SYCP2: variants seen among roughly 807,000 people sequenced by gnomAD.
The protein encoded by SYCP2 is synaptonemal complex lateral element protein.
In SYCP2, 55 loss-of-function variants were observed where a neutral mutation model predicts 211.3. The observed-to-expected ratio is 0.26, with a 90% CI of 0.21 to 0.33. The LOEUF is 0.33. Among genes scored for constraint, SYCP2 ranks in the 10% least tolerant of loss-of-function variants. The probability of loss-of-function intolerance (pLI) is 1.00; values close to 1 mark genes in which losing one functional copy is unlikely to be tolerated. For missense variants in SYCP2, 1,731 were observed against 1,752.0 expected (o/e 0.99, Z 0.21); for synonymous variants, 570 against 555.2 (o/e 1.03, Z -0.37).
intron 3 of SYCP2, 123 bp from the exon 4 acceptor site, chr20:59,921,576 T>G (rs1017477078): frequency 3.4e-6 from 2 of 584,726 alleles, no homozygotes; most frequent in Non-Finnish European, 2.6e-6. Flanking sequence ...AAATATTAAT[T>G]CACGTATTTT....
At chr20:59,909,554 G>A (rs1209812299) in intron 14 of SYCP2, among the ~76,000 whole-genome samples, 1 of 152,110 alleles carries the variant, frequency 6.6e-6, no homozygotes, top group Non-Finnish European at 1.5e-5. Context: ...ACACAAATGT[G>A]TTCTCCAGTG....
rs780308705 is a variant in SYCP2 at position 59,873,923 on chromosome 20, T to C, written c.3488A>G (p.Lys1163Arg). ...ACACAGGAAGTTTTTCTCATTGTTT[T>C]TGGGTGACTTTATTGTACCTCCAAC... ...SGVGGTIKSP[K>R]NNEKNFLCAS... Residue 1163 changes from lysine (K) to arginine (R), a missense_variant, in exon 35 of 45, where the codon AAA becomes AGA. Physicochemically the swap from Lys to Arg is conservative, Grantham distance 26 (BLOSUM62 2). Coordinates refer to ENST00000357552, the MANE Select transcript of SYCP2 (RefSeq NM_014258.4). 1.9e-6 allele frequency: 3 copies of C among 1,613,316 alleles called. No homozygotes were observed. The highest frequency in any genetic ancestry group is 2.5e-6 in the Non-Finnish European group (3 of 1,179,636).
chr20:59,923,713 A>C (rs1293857158), intron 2 of SYCP2, among the ~76,000 whole-genome samples: 1 of 151,838 alleles, frequency 6.6e-6, no homozygotes, highest in Non-Finnish European at 1.5e-5. Context: ...AAAATAAACA[A>C]AAAGAATGCA....
intron 34 of SYCP2, 74 bp downstream of exon 34, chr20:59,875,197 T>C: frequency 4.2e-6 from 4 of 956,784 alleles, no homozygotes; most frequent in Non-Finnish European, 6.1e-6. Flanking sequence ...AGTCTTAAAA[T>C]TGTATTTTCC....
chr20:59,924,501 C>T (rs1444202169), intron 2 of SYCP2, among the ~76,000 whole-genome samples: 2 of 151,950 alleles, frequency 1.3e-5, no homozygotes, highest in Non-Finnish European at 2.9e-5. Flanking sequence ...AGGATCAGTG[C>T]TTGAGGGATG....
intron 32 of SYCP2, among the ~76,000 whole-genome samples, 168 bp from the exon 33 acceptor site, chr20:59,877,723 T>C (rs2059588469): frequency 1.3e-5 from 2 of 152,304 alleles, no homozygotes. Flanking sequence ...ATTCCAGTTA[T>C]CATCTTTACC....
Position 59,876,411 on chromosome 20 carries a change from A to AAAAAAG in SYCP2, c.3151-943_3151-942insCTTTTT, listed in dbSNP as rs71183188. On this transcript the variant is annotated intron_variant, in intron 33 of 44. Transcript: ENST00000357552. ...AAAAAAAAAAAAAAAAAAAAAAAAA[A>AAAAAAG]GAAGAAGTGATAGAAAATGTAGACC... Among the ~76,000 whole-genome samples the AAAAAAG allele has an allele frequency of 5.0e-5, 7 of 139,680 alleles. No individual in the cohort carries two copies. In the East Asian group the frequency reaches 1.0e-3, roughly 21 times the overall value. The allele number at this position is 139,680 out of a possible 152,430, so 91.6% of individuals were successfully genotyped here. A position where few individuals can be genotyped will look rare whatever the true frequency, so the allele number is the denominator to read the frequency against.
Position 59,896,668 on chromosome 20 carries a change from T to C in SYCP2, c.1405-140A>G, listed in dbSNP as rs183158689. On this transcript the variant is annotated intron_variant, in intron 18 of 44. Coordinates refer to ENST00000357552, the MANE Select transcript of SYCP2 (RefSeq NM_014258.4). ...AATAAACAACACAATATTCATAAAT[T>C]TCCATGTTTTAGGCTGATATGAAAG... 2.3e-5 allele frequency: 13 copies of C among 554,792 alleles called. No homozygotes were observed. In the African/African-American group the frequency reaches 2.5e-4, roughly 10 times the overall value. The allele number at this position is 554,792 out of a possible 1,614,324, so 34.4% of individuals were successfully genotyped here.
In SYCP2 at chr20:59,920,243, A is replaced by C; in HGVS notation, c.297+116T>G. ...CAAGTTATAGAAATGTTTTATTCCCAAAATTGTACATAAAGTTCCTAAATT... is the reference window on the plus strand; with the variant it reads ...CAAGTTATAGAAATGTTTTATTCCCCAAATTGTACATAAAGTTCCTAAATT... On this transcript the variant is annotated intron_variant, in intron 5 of 44. Transcript: ENST00000357552. The C allele has an allele frequency of 6.4e-6, 6 of 930,882 alleles. 1 individual carries two copies. Among genetic ancestry groups the C allele is most frequent in the Non-Finnish European group, 9.5e-6 (6 of 633,042 alleles). 57.7% of individuals were successfully genotyped at this position (930,882 alleles called of 1,614,324 possible).
chr20:59,920,670 C>T (rs1045985719), intron 4 of SYCP2, among the ~76,000 whole-genome samples, 183 bp from the exon 5 acceptor site: 2 of 151,568 alleles, frequency 1.3e-5, no homozygotes, highest in African/African-American at 2.4e-5. Flanking sequence ...CAAAGCCATA[C>T]AGTCAGGGAA....
At chr20:59,879,863 A>ATG in intron 31 of SYCP2, among the ~76,000 whole-genome samples, 2 of 125,396 alleles carry the variant, frequency 1.6e-5, no homozygotes, top group African/African-American at 3.3e-5. Context: ...ATATATATAT[A>ATG]CACACACACA....
chr20:59,916,091 A>T (rs1332673638), intron 8 of SYCP2, among the ~76,000 whole-genome samples: 2 of 152,196 alleles, frequency 1.3e-5, no homozygotes, highest in Non-Finnish European at 2.9e-5. Flanking sequence ...TACTTAAAGC[A>T]CTTGTACTTT....
At chr20:59,902,672 T>C (rs2060137253) in intron 15 of SYCP2, among the ~76,000 whole-genome samples, 1 of 152,170 alleles carries the variant, frequency 6.6e-6, no homozygotes, top group African/African-American at 2.4e-5. Flanking sequence ...GTCCTGATTC[T>C]TATGAGGCCT....
chr20:59,868,659 T>C, intron 37 of SYCP2, 91 bp from the exon 38 acceptor site: 1 of 1,393,198 alleles, frequency 7.2e-7, no homozygotes, highest in Non-Finnish European at 9.6e-7. Flanking sequence ...AGGCTTTGTT[T>C]CCACTAAGTA....
chr20:59,903,351 G>A (rs2060152835), intron 15 of SYCP2, among the ~76,000 whole-genome samples: 1 of 152,088 alleles, frequency 6.6e-6, no homozygotes, highest in Non-Finnish European at 1.5e-5. Flanking sequence ...AATAGGAAGA[G>A]AAGGAAAGAG....
chr20:59,911,888 A>G (rs1290593466), intron 13 of SYCP2, 43 bp from the exon 14 acceptor site: 1 of 992,430 alleles, frequency 1.0e-6, no homozygotes, highest in South Asian at 1.8e-5. Context: ...CAATGATTTT[A>G]GAAATAACAG....
intron 15 of SYCP2, among the ~76,000 whole-genome samples, 174 bp from the exon 16 acceptor site, chr20:59,901,984 C>T (rs188649534): frequency 5.4e-4 from 82 of 152,102 alleles, no homozygotes; most frequent in African/African-American, 1.9e-3. Flanking sequence ...TCAATCAAGT[C>T]AATTTAGCTT....
intron 26 of SYCP2, among the ~76,000 whole-genome samples, chr20:59,882,791 TA>T (rs1016168595): frequency 2.0e-5 from 3 of 150,366 alleles, no homozygotes; most frequent in African/African-American, 7.3e-5. Context: ...TAGGAAGGAG[TA>T]GGGGGGGAAC....
In SYCP2 at chr20:59,878,091, T is replaced by C. The variant is rs2274468; in HGVS notation, c.2942-46A>G. ...GTTAAATTTTCACAGTAAATAAGAA[T>C]AGGCATTAAATTTATTAGAACATCA... On this transcript the variant is annotated intron_variant, in intron 31 of 44. Transcript: ENST00000357552. 1.6e-3 allele frequency: 2,077 copies of C among 1,263,050 alleles called. 46 individuals are homozygous for C. In the East Asian group the frequency reaches 0.039, roughly 24 times the overall value. 78.2% of individuals were successfully genotyped at this position (1,263,050 alleles called of 1,614,324 possible).
Sources: allele counts gnomAD v4.1 joint callset (sites outside exome capture counted in the v4.1 genomes callset), GRCh38; gene constraint gnomAD v4.1.1; transcripts MANE v1.5; gene names NCBI Gene and HGNC (gene_info 2026-07-23, HGNC 2026-07-21).